SLC25A26: variants seen among roughly 807,000 people sequenced by gnomAD.
SLC25A26 encodes mitochondrial S-adenosylmethionine carrier protein.
A neutral mutation model predicts 37.8 loss-of-function variants in SLC25A26; 36 were observed. That is an observed-to-expected ratio of 0.95 (90% CI 0.73 to 1.26). SLC25A26 has a LOEUF of 1.26. Among genes scored for constraint, SLC25A26 ranks in the 50% most tolerant of loss-of-function variants. The pLI is 0.00. For missense variants in SLC25A26, 390 were observed against 331.1 expected (o/e 1.18, Z -1.38); for synonymous variants, 129 against 122.5 (o/e 1.05, Z -0.35).
At chr3:66,356,272 G>A (rs2076573731) in intron 6 of SLC25A26, among the ~76,000 whole-genome samples, 1 of 152,160 alleles carries the variant, frequency 6.6e-6, no homozygotes, top group East Asian at 1.9e-4. Flanking sequence ...CCTGGTGTTG[G>A]CTTTCTGGCC....
chr3:66,203,814 G>GT (rs1466870030), intron 1 of SLC25A26, among the ~76,000 whole-genome samples: 3 of 152,170 alleles, frequency 2.0e-5, no homozygotes, highest in Non-Finnish European at 4.4e-5. Flanking sequence ...AGCTGACACA[G>GT]TGAGTTCAGG....
chr3:66,334,198 G>A (rs1266777765), intron 5 of SLC25A26, among the ~76,000 whole-genome samples: 1 of 152,154 alleles, frequency 6.6e-6, no homozygotes, highest in Non-Finnish European at 1.5e-5. Flanking sequence ...CCTGTCTGTT[G>A]CAGTGTGATT....
Position 66,287,650 on chromosome 3 carries a change from C to T in SLC25A26, c.453+24271C>T, listed in dbSNP as rs551298922. Among the ~76,000 whole-genome samples the T allele has an allele frequency of 1.1e-4, 17 of 152,140 alleles. 1 individual carries two copies. Among genetic ancestry groups the T allele is most frequent in the Admixed American group, 9.8e-4 (15 of 15,276 alleles). ...TAAAAATAATTTCAACATTCACCTA[C>T]GGGAATGAGGAAAAGGTGCTGTGTA... On this transcript the variant is annotated intron_variant, in intron 5 of 9. Transcript: ENST00000354883.
intron 2 of SLC25A26, among the ~76,000 whole-genome samples, chr3:66,242,752 T>C (rs2072640132): frequency 6.6e-6 from 1 of 152,242 alleles, no homozygotes; most frequent in African/African-American, 2.4e-5. Context: ...CATGATTATT[T>C]TGAGTAACCA....
chr3:66,284,586 A>G lies in SLC25A26; in HGVS notation c.453+21207A>G, dbSNP rs148271461. ...GAGATAAATGTTTCTCAATATGAGAAAAAATAAACTATGATATGTAAGTGC... is the reference window on the plus strand; with the variant it reads ...GAGATAAATGTTTCTCAATATGAGAGAAAATAAACTATGATATGTAAGTGC... On this transcript the variant is annotated intron_variant, in intron 5 of 9. Transcript: ENST00000354883. 1.2e-3 allele frequency among the ~76,000 whole-genome samples: 178 copies of G among 152,152 alleles called. 1 individual carries two copies. The highest frequency in any genetic ancestry group is 2.0e-3 in the Non-Finnish European group (136 of 68,028).
chr3:66,153,047 C>T (rs2106695501), intron 1 of SLC25A26, among the ~76,000 whole-genome samples: 1 of 152,158 alleles, frequency 6.6e-6, no homozygotes, highest in East Asian at 1.9e-4. Flanking sequence ...GGCTAGGAGC[C>T]ATTTACCTAA....
intron 1 of SLC25A26, among the ~76,000 whole-genome samples, chr3:66,153,696 C>T (rs1365738988): frequency 6.6e-6 from 1 of 152,232 alleles, no homozygotes; most frequent in Non-Finnish European, 1.5e-5. Flanking sequence ...GGTGGAATTT[C>T]AGGCACCAGC....
chr3:66,288,785 A>G (rs558195633), intron 5 of SLC25A26, among the ~76,000 whole-genome samples: 1 of 152,306 alleles, frequency 6.6e-6, no homozygotes, highest in Admixed American at 6.5e-5. Context: ...CGCAATAAAC[A>G]TACTTGTGCA....
At chr3:66,238,069 G>C (rs2072382263) in intron 2 of SLC25A26, among the ~76,000 whole-genome samples, 1 of 152,154 alleles carries the variant, frequency 6.6e-6, no homozygotes, top group African/African-American at 2.4e-5. Flanking sequence ...ATTGTAACAA[G>C]TTGTTAAGTG....
intron 5 of SLC25A26, among the ~76,000 whole-genome samples, chr3:66,344,154 C>T (rs1273139914): frequency 6.6e-6 from 1 of 152,120 alleles, no homozygotes; most frequent in East Asian, 1.9e-4. Flanking sequence ...TTTGCTGTAG[C>T]TGAGTAAGAC....
intron 1 of SLC25A26, among the ~76,000 whole-genome samples, chr3:66,152,924 TG>T: frequency 6.6e-6 from 1 of 152,218 alleles, no homozygotes; most frequent in East Asian, 1.9e-4. Flanking sequence ...TAGAATTACC[TG>T]GGAAATTTTT....
chr3:66,348,176 CA>C (rs2107746833), intron 6 of SLC25A26, among the ~76,000 whole-genome samples: 1 of 152,274 alleles, frequency 6.6e-6, no homozygotes, highest in African/African-American at 2.4e-5. Flanking sequence ...AGCCTACATT[CA>C]AAACATGCAG....
chr3:66,262,106 C>G lies in SLC25A26; in HGVS notation c.356C>G (p.Ser119Cys). The G allele has an allele frequency of 6.3e-7, 1 of 1,587,656 alleles. No homozygotes were observed. The highest frequency in any genetic ancestry group is 8.6e-7 in the Non-Finnish European group (1 of 1,165,976). ...GTGGTTAAGCAGAGGGCACAGGTAT[C>G]TGCTTCTACAAGAACATTTCAGATT... Reference protein sequence around the residue: ...SEVVKQRAQVSASTRTFQIFS... With the variant: ...SEVVKQRAQVCASTRTFQIFS... Residue 119 changes from serine (S) to cysteine (C), a missense_variant, in exon 4 of 10, where the codon TCT becomes TGT. Ser to Cys is a moderately radical substitution (Grantham distance 112). Coordinates refer to ENST00000354883, the MANE Select transcript of SLC25A26 (RefSeq NM_001379210.1).
chr3:66,249,962 C>A (rs2073016295), intron 3 of SLC25A26, among the ~76,000 whole-genome samples: 1 of 152,196 alleles, frequency 6.6e-6, no homozygotes, highest in Non-Finnish European at 1.5e-5. Flanking sequence ...TATTATGGGA[C>A]CTTTCACCCT....
chr3:66,357,825 A>G (rs2076611333), intron 6 of SLC25A26, among the ~76,000 whole-genome samples: 4 of 152,218 alleles, frequency 2.6e-5, no homozygotes, highest in South Asian at 2.1e-4. Context: ...TGAGCTGTAT[A>G]TGATAGTGAG....
At chr3:66,271,205 G>A (rs138939165) in intron 5 of SLC25A26, among the ~76,000 whole-genome samples, 2 of 152,198 alleles carry the variant, frequency 1.3e-5, no homozygotes, top group Non-Finnish European at 2.9e-5. Context: ...CTTCGTCTTC[G>A]TGAGTCCATT....
At chr3:66,202,989 T>C (rs2071129774) in intron 1 of SLC25A26, among the ~76,000 whole-genome samples, 1 of 152,244 alleles carries the variant, frequency 6.6e-6, no homozygotes, top group African/African-American at 2.4e-5. Flanking sequence ...GGTTGTCTTC[T>C]TAAATGGTTA....
Position 66,241,027 on chromosome 3 carries a change from G to A in SLC25A26, c.191-2176G>A, listed in dbSNP as rs534053801. Among the ~76,000 whole-genome samples the A allele has an allele frequency of 1.1e-4, 17 of 152,232 alleles. 1 individual carries two copies. Among genetic ancestry groups the A allele is most frequent in the South Asian group, 6.2e-4 (3 of 4,818 alleles). ...CTCCCAAAGTGCTGGGAATACAGGC[G>A]TGAGCCACCGTACCTGGCCACCTTT... On this transcript the variant is annotated intron_variant, in intron 2 of 9. Coordinates refer to ENST00000354883, the MANE Select transcript of SLC25A26 (RefSeq NM_001379210.1).
intron 1 of SLC25A26, among the ~76,000 whole-genome samples, chr3:66,214,240 C>T (rs1370274097): frequency 6.6e-6 from 1 of 152,090 alleles, no homozygotes; most frequent in African/African-American, 2.4e-5. Flanking sequence ...CTACCTCTCT[C>T]ACCATGTGAC....
Sources: gnomAD v4.1 joint callset for allele counts (sites outside exome capture counted in the v4.1 genomes callset) on GRCh38, gnomAD v4.1.1 for gene constraint, MANE v1.5 for transcripts, NCBI Gene and HGNC (gene_info 2026-07-23, HGNC 2026-07-21) for gene names.